Variants in DNAH5 observed in about 807,000 individuals in gnomAD.
DNAH5 encodes axonemal beta dynein heavy chain 5.
DNAH5 carries 372 observed loss-of-function variants against 518.2 expected under a neutral mutation model. The observed-to-expected ratio is 0.72, with a 90% CI of 0.66 to 0.78. DNAH5 has a LOEUF of 0.78. DNAH5 is among the 30% of genes least tolerant of loss of function. DNAH5 has a pLI of 0.00. For missense variants in DNAH5, 5,523 were observed against 5,687.0 expected, an observed-to-expected ratio of 0.97 and a Z score of 0.93; for synonymous variants, 2,039 against 2,025.9, an observed-to-expected ratio of 1.01 and a Z score of -0.17.
intron 25 of DNAH5, among the ~76,000 whole-genome samples, chr5:13,867,503 T>A (rs1460464989): frequency 6.6e-6 from 1 of 152,174 alleles, no homozygotes; most frequent in South Asian, 2.1e-4. Context: ...TCCCAAGCCA[T>A]GCTGAACTGT....
intron 17 of DNAH5, among the ~76,000 whole-genome samples, chr5:13,887,088 G>GA (rs1772544748): frequency 6.6e-6 from 1 of 152,144 alleles, no homozygotes; most frequent in Non-Finnish European, 1.5e-5. Flanking sequence ...TTTAAAGTCT[G>GA]AATCTTAAGT....
chr5:13,919,189 G>A lies in DNAH5; in HGVS notation c.962C>T (p.Ser321Leu), dbSNP rs201077964. 785 of 1,613,656 alleles carry A rather than the reference G, an allele frequency of 4.9e-4. No homozygotes were observed. The highest frequency in any genetic ancestry group is 6.2e-4 in the Non-Finnish European group (736 of 1,179,836). Residue 321 changes from serine to leucine, a missense_variant, in exon 7 of 79, where the codon TCG becomes TTG. Transcript: ENST00000265104. ...ATGGCTGACGACCTTCAGCAGTTTC[G>A]ACTTGGCCGCCGCAAGCACTGCCAG... ...AVLAVLAAAK[S>L]KLLKTWREMD...
At chr5:13,880,482 T>C (rs991382769) in intron 21 of DNAH5, among the ~76,000 whole-genome samples, 55 of 151,878 alleles carry the variant, frequency 3.6e-4, no homozygotes, top group African/African-American at 1.3e-3. Context: ...TAAAAACAAC[T>C]AGAGCTACAC....
intron 75 of DNAH5, among the ~76,000 whole-genome samples, chr5:13,710,834 G>T (rs1026583659): frequency 3.8e-4 from 58 of 152,118 alleles, no homozygotes; most frequent in African/African-American, 1.4e-3. Context: ...AGATAACCCT[G>T]AAGAGACCAA....
intron 15 of DNAH5, chr5:13,898,588 C>T (rs754560902): frequency 7.0e-5 from 28 of 398,534 alleles, no homozygotes; most frequent in East Asian, 3.6e-4. Flanking sequence ...AGCTATGAGA[C>T]CTTTGCTAAA....
chr5:13,878,136 G>A (rs1475163910), intron 21 of DNAH5, among the ~76,000 whole-genome samples: 1 of 152,156 alleles, frequency 6.6e-6, no homozygotes, highest in African/African-American at 2.4e-5. Context: ...GAGCAGTGCA[G>A]AGAAGGGGCT....
chr5:13,823,427 G>T, intron 39 of DNAH5, 57 bp from the exon 40 acceptor site: 1 of 1,160,876 alleles, frequency 8.6e-7, no homozygotes, highest in Non-Finnish European at 1.3e-6. Flanking sequence ...ATATCAATAT[G>T]CAGATAAACT....
chr5:13,966,720 T>C (rs1041056426), intron 1 of DNAH5, among the ~76,000 whole-genome samples: 1 of 152,254 alleles, frequency 6.6e-6, no homozygotes, highest in Non-Finnish European at 1.5e-5. Context: ...TGATTTTTTC[T>C]TGCCGATTTG....
At chr5:13,825,167 C>T (rs1762731214) in intron 38 of DNAH5, among the ~76,000 whole-genome samples, 1 of 151,952 alleles carries the variant, frequency 6.6e-6, no homozygotes, top group African/African-American at 2.4e-5. Context: ...CATGATGAAA[C>T]CCCATCTCTA....
intron 19 of DNAH5, 42 bp from the exon 20 acceptor site, chr5:13,883,136 C>T (rs749559893): frequency 2.5e-6 from 4 of 1,598,272 alleles, no homozygotes; most frequent in African/African-American, 1.3e-5. Flanking sequence ...ATTTTTAATA[C>T]AAAATAAGAT....
intron 3 of DNAH5, among the ~76,000 whole-genome samples, chr5:13,926,088 G>T (rs6893887): frequency 0.75 from 113,571 of 152,118 alleles, 42,790 homozygotes; most frequent in East Asian, 0.9. Context: ...TGGACTGCAC[G>T]GGGAGCTAAC....
intron 46 of DNAH5, 135 bp downstream of exon 46, chr5:13,808,909 G>C: frequency 9.7e-7 from 1 of 1,026,454 alleles, no homozygotes. Flanking sequence ...GCAGTGAGCC[G>C]AGATCGCGCC....
In DNAH5 at chr5:13,838,804, G is replaced by A. The variant is rs149688335; in HGVS notation, c.5882+552C>T. Among the ~76,000 whole-genome samples, 817 of 152,100 alleles carry A rather than the reference G, an allele frequency of 5.4e-3. 13 individuals are homozygous for A. The highest frequency in any genetic ancestry group is 0.033 in the South Asian group (160 of 4,788). On this transcript the variant is annotated intron_variant, in intron 35 of 78. Transcript: ENST00000265104. ...CCAATCCCTGGTGCCAGAAAGGCTG[G>A]GGACCACTGGCTTAGCTCATCTTAC...
At chr5:13,872,330 A>G (rs774887680) in intron 22 of DNAH5, among the ~76,000 whole-genome samples, 1 of 152,186 alleles carries the variant, frequency 6.6e-6, no homozygotes, top group Non-Finnish European at 1.5e-5. Flanking sequence ...GCCTGGAATC[A>G]CATAAAATGT....
chr5:13,988,949 A>G (rs1337093275), intron 1 of DNAH5, among the ~76,000 whole-genome samples: 2 of 151,968 alleles, frequency 1.3e-5, no homozygotes, highest in Non-Finnish European at 2.9e-5. Flanking sequence ...GCCTGGTCTC[A>G]AACTCCTGAC....
intron 51 of DNAH5, among the ~76,000 whole-genome samples, chr5:13,787,250 C>T (rs1179328183): frequency 6.7e-6 from 1 of 150,172 alleles, no homozygotes; most frequent in East Asian, 1.9e-4. Context: ...AAATTGGGCA[C>T]CTATAAATTC....
At chr5:13,890,730 T>C (rs113950235) in intron 17 of DNAH5, among the ~76,000 whole-genome samples, 1 of 152,212 alleles carries the variant, frequency 6.6e-6, no homozygotes, top group African/African-American at 2.4e-5. Context: ...ATTCCAAGTG[T>C]GTTCTATGGC....
At chr5:13,999,799 C>T (rs893728839) in intron 1 of DNAH5, among the ~76,000 whole-genome samples, 22 of 152,318 alleles carry the variant, frequency 1.4e-4, no homozygotes, top group African/African-American at 4.8e-4. Flanking sequence ...CAGCATTCTG[C>T]ATTTCTACCA....
chr5:14,002,207 A>G (rs1784403140), intron 1 of DNAH5, among the ~76,000 whole-genome samples: 1 of 152,118 alleles, frequency 6.6e-6, no homozygotes. Flanking sequence ...ATGAATTTTA[A>G]TATCTTTGGC....
Sources: gnomAD v4.1 joint callset for allele counts (sites outside exome capture counted in the v4.1 genomes callset) on GRCh38, gnomAD v4.1.1 for gene constraint, MANE v1.5 for transcripts, NCBI Gene and HGNC (gene_info 2026-07-23, HGNC 2026-07-21) for gene names.